DRC1: variants seen among roughly 807,000 people sequenced by gnomAD.
DRC1 encodes the protein dynein regulatory complex protein 1.
In DRC1, 74 loss-of-function variants were observed where a neutral mutation model predicts 98.7. That is an observed-to-expected ratio of 0.75 (90% confidence interval 0.62 to 0.91). The LOEUF (loss-of-function observed/expected upper bound fraction) is 0.91, where lower values mean the gene tolerates loss of function less well. Among genes scored for constraint, DRC1 ranks in the 40% least tolerant of loss-of-function variants. DRC1 has a pLI of 0.00. For missense variants in DRC1, 875 were observed against 886.0 expected, an observed-to-expected ratio of 0.99 and a Z score of 0.16; for synonymous variants, 336 against 334.1, an observed-to-expected ratio of 1.01 and a Z score of -0.06.
At chr2:26,450,890 C>A (rs573790199) in intron 13 of DRC1, among the ~76,000 whole-genome samples, 3 of 152,244 alleles carry the variant, frequency 2.0e-5, no homozygotes, top group South Asian at 2.1e-4. Flanking sequence ...GCCCCCACCC[C>A]CCGACAGGCC....
intron 1 of DRC1, among the ~76,000 whole-genome samples, chr2:26,407,986 C>A (rs150461396): frequency 3.6e-4 from 55 of 152,334 alleles, no homozygotes; most frequent in Middle Eastern, 3.4e-3. Flanking sequence ...TTCCTACCTC[C>A]TCACCTAGCA....
intron 13 of DRC1, among the ~76,000 whole-genome samples, chr2:26,452,161 A>G (rs1477620635): frequency 2.6e-5 from 4 of 152,202 alleles, no homozygotes; most frequent in African/African-American, 9.6e-5. Flanking sequence ...GAAAACAGGC[A>G]CACTCATAAG....
In DRC1 at chr2:26,456,555, G is replaced by A. The variant is rs1664182716; in HGVS notation, c.*38G>A. Reference sequence around the variant, plus strand: ...AAGGCTGATGTGTTAGGGCTGGCCTGATGCTGGTGTCTGTGCCGGAGCCAG... The same window carrying A: ...AAGGCTGATGTGTTAGGGCTGGCCTAATGCTGGTGTCTGTGCCGGAGCCAG... On this transcript the variant is annotated 3_prime_UTR_variant, in exon 17 of 17. Transcript: ENST00000288710. 2 of 1,612,536 alleles carry A rather than the reference G, an allele frequency of 1.2e-6. No homozygotes were observed. Among genetic ancestry groups the A allele is most frequent in the East Asian group, 4.5e-5 (2 of 44,848 alleles).
rs530367945 is a variant in DRC1, at chr2:26,436,184, C to T, written c.888+4178C>T. Among the ~76,000 whole-genome samples, 3 of 151,500 alleles carry T rather than the reference C, an allele frequency of 2.0e-5. No individual in the cohort carries two copies. In the South Asian group the frequency reaches 6.2e-4, roughly 32 times the overall value. ...TTCTGACTGGTGTGAGATGGTATCTCATCGTGGTTTTGATTAGCATTTCTC... is the reference window on the plus strand; with the variant it reads ...TTCTGACTGGTGTGAGATGGTATCTTATCGTGGTTTTGATTAGCATTTCTC... On this transcript the variant is annotated intron_variant, in intron 7 of 16. Transcript: ENST00000288710.
At chr2:26,437,680 A>G (rs1216807620) in intron 7 of DRC1, among the ~76,000 whole-genome samples, 1 of 152,238 alleles carries the variant, frequency 6.6e-6, no homozygotes, top group Non-Finnish European at 1.5e-5. Context: ...ATTATTTTAT[A>G]GAAGAGAAAA....
chr2:26,414,801 C>T (rs554713754), intron 2 of DRC1, among the ~76,000 whole-genome samples: 1 of 152,162 alleles, frequency 6.6e-6, no homozygotes, highest in Non-Finnish European at 1.5e-5. Flanking sequence ...CACTCACTCC[C>T]CTCCAGTGGG....
At position 26,455,232 on chromosome 2, in the gene DRC1, A is replaced by G; in HGVS notation, c.2165A>G (p.Lys722Arg). The G allele has an allele frequency of 6.2e-7, 1 of 1,611,440 alleles. No individual in the cohort carries two copies. The highest frequency in any genetic ancestry group is 1.1e-5 in the South Asian group (1 of 91,016). The change falls in exon 16 of 17, where the codon AAG becomes AGG. Residue 722 changes from lysine to arginine, a missense_variant and splice_region_variant. Transcript: ENST00000288710. ...CTACTGCAGCAGTATCTGAACTCCA[A>G]GGTGGGCGGCGGGGCCTTCCAAGGA... ...QALLQQYLNS[K>R]INSELQVPPT...
intron 4 of DRC1, among the ~76,000 whole-genome samples, chr2:26,427,876 T>G (rs1425479924): frequency 6.6e-6 from 1 of 152,220 alleles, no homozygotes; most frequent in East Asian, 1.9e-4. Context: ...TGCCTTTCAA[T>G]TCCATCCACG....
intron 4 of DRC1, among the ~76,000 whole-genome samples, chr2:26,428,565 G>A (rs1318426656): frequency 6.6e-6 from 1 of 152,202 alleles, no homozygotes; most frequent in African/African-American, 2.4e-5. Flanking sequence ...TTGGGAGGCC[G>A]AGGCAGGTGG....
chr2:26,432,748 T>C (rs1192867687), intron 7 of DRC1, among the ~76,000 whole-genome samples: 2 of 152,198 alleles, frequency 1.3e-5, no homozygotes, highest in African/African-American at 4.8e-5. Flanking sequence ...CTGGTAATAA[T>C]GGCAGCCATC....
intron 4 of DRC1, among the ~76,000 whole-genome samples, chr2:26,425,918 C>T (rs987781584): frequency 6.6e-6 from 1 of 151,526 alleles, no homozygotes. Flanking sequence ...TGGTGCAGCC[C>T]CGTTTGTCTA....
chr2:26,449,917 C>A, intron 11 of DRC1, 79 bp from the exon 12 acceptor site: 1 of 1,311,110 alleles, frequency 7.6e-7, no homozygotes, highest in Non-Finnish European at 1.1e-6. Context: ...TGGAGTGTTA[C>A]ACAGGGGGCA....
At chr2:26,404,315 A>C (rs1678351665) in intron 1 of DRC1, among the ~76,000 whole-genome samples, 1 of 152,168 alleles carries the variant, frequency 6.6e-6, no homozygotes. Context: ...CCGACTTGTG[A>C]GTGTATATCA....
Position 26,454,553 on chromosome 2 carries a change from A to AC in DRC1, c.1920-93dup. On this transcript the variant is annotated intron_variant, in intron 14 of 16. Transcript: ENST00000288710. The surrounding 1 kb of genome is among the most constrained non-coding windows in gnomAD (Gnocchi z 5.2). ...ACTTGGACTGCTGAGTGGGAAGGTG[A>AC]CAGGTGGGAAAGCAGTAGGCCTGTG... 6.5e-7 allele frequency: 1 copy of AC among 1,536,242 alleles called. No individual in the cohort carries two copies. The highest frequency in any genetic ancestry group is 8.8e-7 in the Non-Finnish European group (1 of 1,132,440).
rs79143713 is a variant in DRC1, at chr2:26,446,408, C to T, written c.1396+1460C>T. Reference sequence around the variant, plus strand: ...CCCAGGGAATGGTATTTAGAAACCACGCTGTGGGCGCTGGGTGCTTATTGT... The same window carrying T: ...CCCAGGGAATGGTATTTAGAAACCATGCTGTGGGCGCTGGGTGCTTATTGT... On this transcript the variant is annotated intron_variant, in intron 10 of 16. Transcript: ENST00000288710. 1.9e-3 allele frequency among the ~76,000 whole-genome samples: 292 copies of T among 152,196 alleles called. 1 individual carries two copies. The highest frequency in any genetic ancestry group is 6.6e-3 in the African/African-American group (273 of 41,530).
intron 10 of DRC1, among the ~76,000 whole-genome samples, chr2:26,445,961 C>T (rs371427386): frequency 1.0e-3 from 153 of 152,004 alleles, no homozygotes; most frequent in Non-Finnish European, 1.4e-3. Flanking sequence ...CTTGGCTAGC[C>T]CTAGTAGTTT....
chr2:26,440,518 G>T lies in DRC1; in HGVS notation c.1028+1G>T. The T allele has an allele frequency of 6.2e-7, 1 of 1,609,126 alleles. No homozygotes were observed. Among genetic ancestry groups the T allele is most frequent in the Non-Finnish European group, 8.5e-7 (1 of 1,177,146 alleles). On this transcript the variant is annotated splice_donor_variant, in intron 8 of 16. Coordinates refer to ENST00000288710, the MANE Select transcript of DRC1 (RefSeq NM_145038.5). LOFTEE classifies it high-confidence loss of function. ...CCCAGCAGAAGAGGAAGATCAATCG[G>T]TAAGCTAGCATGCAGAGCGTCTTTC...
rs1664002931 is a variant in DRC1, at chr2:26,451,340, A to G, written c.1689+659A>G. Among the ~76,000 whole-genome samples, 12 of 152,332 alleles carry G rather than the reference A, an allele frequency of 7.9e-5. No homozygotes were observed. In the South Asian group the frequency reaches 2.5e-3, roughly 32 times the overall value. On this transcript the variant is annotated intron_variant, in intron 13 of 16. Coordinates refer to ENST00000288710, the MANE Select transcript of DRC1 (RefSeq NM_145038.5). Reference sequence around the variant, plus strand: ...AACACTTTCCCGCAAGGCAAGGCCCATTTGTCCTACATATCTTGATTGTAA... The same window carrying G: ...AACACTTTCCCGCAAGGCAAGGCCCGTTTGTCCTACATATCTTGATTGTAA...
chr2:26,447,094 A>C (rs1210850620), intron 10 of DRC1, among the ~76,000 whole-genome samples: 1 of 151,010 alleles, frequency 6.6e-6, no homozygotes, highest in African/African-American at 2.4e-5. Flanking sequence ...TTTCTCAAAA[A>C]AATAAAAAAT....
Sources: allele counts gnomAD v4.1 joint callset (sites outside exome capture counted in the v4.1 genomes callset), GRCh38; gene constraint gnomAD v4.1.1; non-coding constraint Gnocchi (gnomAD v3.1); transcripts MANE v1.5; gene names NCBI Gene and HGNC (gene_info 2026-07-23, HGNC 2026-07-21).